Variants in PRRG2 observed in about 807,000 individuals in gnomAD.
PRRG2 encodes the protein proline rich and Gla domain 2.
In PRRG2, 23 loss-of-function variants were observed where a neutral mutation model predicts 27.1. The observed-to-expected ratio is 0.85, with a 90% CI of 0.61 to 1.20. PRRG2 has a LOEUF of 1.20. PRRG2 is among the 50% of genes most tolerant of loss of function. PRRG2 has a pLI of 0.00. For synonymous variants in PRRG2, 104 were observed against 103.4 expected (o/e 1.01, Z -0.03); for missense variants, 276 against 254.8 (o/e 1.08, Z -0.57).
Position 49,589,908 on chromosome 19 carries a change from T to C in PRRG2, c.446T>C (p.Leu149Pro), listed in dbSNP as rs1446922127. 6 of 1,613,018 alleles carry C rather than the reference T, an allele frequency of 3.7e-6. No individual in the cohort carries two copies. The South Asian group carries it at 5.5e-5, about 15-fold the overall frequency. ...ACCTTTGCTGTCCCCAGGGCCGGGC[T>C]CATTAGCCCTCTGAGTCCTTTGAAC... ...GQQPCPQEAG[L>P]ISPLSPLNPL... The change falls in exon 6 of 7, where the codon CTC (leucine) becomes CCC (proline). Residue 149 changes from leucine (L) to proline (P), a missense_variant. Transcript: ENST00000246794.
rs1157193506 is a variant in PRRG2, at chr19:49,590,355, G to A, written c.591-16G>A. 1.2e-6 allele frequency: 2 copies of A among 1,614,172 alleles called. No homozygotes were observed. The highest frequency in any genetic ancestry group is 8.5e-7 in the Non-Finnish European group (1 of 1,180,012). On this transcript the variant is annotated splice_polypyrimidine_tract_variant and intron_variant, in intron 6 of 6. Transcript: ENST00000246794. ...AGCCAGATCTTTGACTCCCTAGTGT[G>A]CCTTTCCTCTTGCAGCCTCAGGAGG...
At chr19:49,587,042 A>G (rs1485835456) in intron 4 of PRRG2, among the ~76,000 whole-genome samples, 1 of 152,068 alleles carries the variant, frequency 6.6e-6, no homozygotes, top group East Asian at 1.9e-4. Flanking sequence ...CTGTGGTCCC[A>G]GCTACTCAGG....
rs2080712473 is a variant in PRRG2 at position 49,590,468 on chromosome 19, A to C, written c.*79A>C. 4 of 1,588,176 alleles carry C rather than the reference A, an allele frequency of 2.5e-6. No homozygotes were observed. The highest frequency in any genetic ancestry group is 2.7e-5 in the African/African-American group (2 of 73,990). On this transcript the variant is annotated 3_prime_UTR_variant, in exon 7 of 7. Coordinates refer to ENST00000246794, the MANE Select transcript of PRRG2 (RefSeq NM_000951.3). Reference sequence around the variant, plus strand: ...TTCCGGAAGCCGCTAGGCCTCATAGACGCCGAAGCTGGACTTGGAGTGGGG... The same window carrying C: ...TTCCGGAAGCCGCTAGGCCTCATAGCCGCCGAAGCTGGACTTGGAGTGGGG...
intron 4 of PRRG2, among the ~76,000 whole-genome samples, chr19:49,587,328 T>A (rs1255108159): frequency 6.9e-6 from 1 of 145,750 alleles, no homozygotes; most frequent in Non-Finnish European, 1.5e-5. Flanking sequence ...GACATCCTTT[T>A]TTTTTTTTTT....
chr19:49,583,923 G>C lies in PRRG2; in HGVS notation c.272G>C (p.Trp91Ser). The C allele has an allele frequency of 6.2e-7, 1 of 1,613,922 alleles. No homozygotes were observed. The highest frequency in any genetic ancestry group is 8.5e-7 in the Non-Finnish European group (1 of 1,179,894). The change falls in exon 4 of 7, where the codon TGG (tryptophan) becomes TCG (serine). Residue 91 changes from tryptophan (W) to serine (S), a missense_variant. Transcript: ENST00000246794. The part of the protein sequence containing the change: ...FEDNTLTERF[W>S]ESYIYNGKGG... Reference sequence around the variant, plus strand: ...TCCTTCCCCCTCAAGGAGCGCTTTTGGGAGAGCTACATCTACAATGGCAAA... The same window carrying C: ...TCCTTCCCCCTCAAGGAGCGCTTTTCGGAGAGCTACATCTACAATGGCAAA...
In PRRG2 at chr19:49,583,935, T is replaced by G. The variant is rs1377549847; in HGVS notation, c.284T>G (p.Ile95Ser). The G allele has an allele frequency of 6.2e-7, 1 of 1,613,822 alleles. No homozygotes were observed. Among genetic ancestry groups the G allele is most frequent in the Admixed American group, 1.7e-5 (1 of 59,988 alleles). ...TLTERFWESY[I>S]YNGKGGRGRV... The stretch of plus-strand genomic sequence containing the variant: ...AAGGAGCGCTTTTGGGAGAGCTACA[T>G]CTACAATGGCAAAGGAGGTGAGTGA... The change falls in exon 4 of 7, where the codon ATC becomes AGC. Residue 95 changes from isoleucine (I) to serine (S), a missense_variant. Ile to Ser is a moderately radical substitution (Grantham distance 142). Coordinates refer to ENST00000246794, the MANE Select transcript of PRRG2 (RefSeq NM_000951.3).
At position 49,589,851 on chromosome 19, in the gene PRRG2, T is replaced by C. The variant is rs758802385; in HGVS notation, c.438-49T>C. ...AGATCCCCTCTCTTCCTCCCTAGTC[T>C]AGGTATCCTGTAAGTTGCCTCTGCT... On this transcript the variant is annotated intron_variant, in intron 5 of 6. Transcript: ENST00000246794. 12 of 1,595,880 alleles carry C rather than the reference T, an allele frequency of 7.5e-6. No homozygotes were observed. The South Asian group carries it at 1.2e-4, about 16-fold the overall frequency.
intron 1 of PRRG2, among the ~76,000 whole-genome samples, chr19:49,582,560 A>C (rs1200985643): frequency 6.6e-6 from 1 of 151,878 alleles, no homozygotes. Context: ...TGAGGTCAGG[A>C]ATTCAAGACC....
intron 5 of PRRG2, among the ~76,000 whole-genome samples, chr19:49,589,170 C>T (rs1051627717): frequency 5.5e-5 from 8 of 145,910 alleles, no homozygotes; most frequent in African/African-American, 2.1e-4. Context: ...TCTCATTGCC[C>T]AGGCTGGAGT....
chr19:49,583,127 C>T (rs1265518620), intron 1 of PRRG2, 80 bp from the exon 2 acceptor site: 2 of 1,166,366 alleles, frequency 1.7e-6, no homozygotes, highest in Non-Finnish European at 2.5e-6. Flanking sequence ...CATTCGTGGA[C>T]CACAGAGGCC....
intron 2 of PRRG2, 101 bp downstream of exon 2, chr19:49,583,405 C>A (rs746828047): frequency 3.3e-6 from 5 of 1,510,902 alleles, no homozygotes; most frequent in Admixed American, 1.8e-5. Context: ...CAGGACCCAG[C>A]CCCTTCCTCC....
At chr19:49,589,230 T>C (rs1350921203) in intron 5 of PRRG2, among the ~76,000 whole-genome samples, 1 of 149,388 alleles carries the variant, frequency 6.7e-6, no homozygotes, top group Non-Finnish European at 1.5e-5. Flanking sequence ...CGGGTTCAAG[T>C]GATTCTCCTG....
chr19:49,587,438 G>C (rs949224529), intron 4 of PRRG2, among the ~76,000 whole-genome samples: 8 of 144,986 alleles, frequency 5.5e-5, no homozygotes, highest in East Asian at 2.0e-4. Flanking sequence ...TCATCCTTCC[G>C]AGTAGCTGGG....
Position 49,590,844 on chromosome 19 carries a change from G to C in PRRG2, c.*455G>C, listed in dbSNP as rs568050351. 3 of 176,004 alleles carry C rather than the reference G, an allele frequency of 1.7e-5. No homozygotes were observed. Among genetic ancestry groups the C allele is most frequent in the African/African-American group, 7.1e-5 (3 of 42,000 alleles). The allele number at this position is 176,004 out of a possible 1,614,324, so 10.9% of individuals were successfully genotyped here. On this transcript the variant is annotated 3_prime_UTR_variant, in exon 7 of 7. Coordinates refer to ENST00000246794, the MANE Select transcript of PRRG2 (RefSeq NM_000951.3). The stretch of plus-strand genomic sequence containing the variant: ...GGTACAGGGGCACTTCGTAACCCAG[G>C]GAAAGGGCGGGGGGCATATTTGCAA...
At chr19:49,581,308 T>C (rs1171424971), upstream of PRRG2, 5 of 152,308 alleles carry the variant, frequency 3.3e-5, no homozygotes, top group East Asian at 7.7e-4. Flanking sequence ...CCAGGGCAGG[T>C]AATGGCAAGT....
At chr19:49,586,531 C>A (rs561659600) in intron 4 of PRRG2, among the ~76,000 whole-genome samples, 3 of 152,078 alleles carry the variant, frequency 2.0e-5, no homozygotes, top group Admixed American at 6.6e-5. Flanking sequence ...ACTACAGGTA[C>A]CTGTAGCACC....
chr19:49,584,527 G>C (rs979681805), intron 4 of PRRG2, among the ~76,000 whole-genome samples: 1 of 152,086 alleles, frequency 6.6e-6, no homozygotes, highest in East Asian at 1.9e-4. Flanking sequence ...GGAGTGCTGT[G>C]GTACAATCTT....
At chr19:49,586,308 G>A (rs1449722239) in intron 4 of PRRG2, among the ~76,000 whole-genome samples, 2 of 151,314 alleles carry the variant, frequency 1.3e-5, no homozygotes, top group African/African-American at 2.4e-5. Context: ...CGCTGCTCTC[G>A]ACCTCCTAGG....
intron 4 of PRRG2, among the ~76,000 whole-genome samples, chr19:49,585,239 T>G (rs1339018656): frequency 6.6e-6 from 1 of 152,152 alleles, no homozygotes; most frequent in African/African-American, 2.4e-5. Context: ...CCCAAGGCCT[T>G]CTGCCCACTG....
Sources: gnomAD v4.1 joint callset for allele counts (sites outside exome capture counted in the v4.1 genomes callset) on GRCh38, gnomAD v4.1.1 for gene constraint, MANE v1.5 for transcripts, NCBI Gene and HGNC (gene_info 2026-07-23, HGNC 2026-07-21) for gene names.